The following TMPRSS15 variants were observed in gnomAD, a reference collection of about 807,000 sequenced individuals.
TMPRSS15 encodes the protein enteropeptidase.
TMPRSS15 carries 128 observed loss-of-function variants against 125.3 expected under a neutral mutation model. The ratio of observed to expected loss-of-function variants is 1.02; its 90% CI spans 0.89 to 1.18. TMPRSS15 has a LOEUF of 1.18. Among genes scored for constraint, TMPRSS15 ranks in the 50% most tolerant of loss-of-function variants. The pLI, the probability that TMPRSS15 is intolerant of heterozygous loss-of-function variation, is 0.00. For synonymous variants in TMPRSS15, 446 were observed against 423.2 expected (o/e 1.05, Z -0.66); for missense variants, 1,283 against 1,212.7 (o/e 1.06, Z -0.86).
chr21:18,283,739 T>C (rs2074730561), intron 21 of TMPRSS15, among the ~76,000 whole-genome samples: 1 of 152,142 alleles, frequency 6.6e-6, no homozygotes. Flanking sequence ...GAGAGGTGCA[T>C]GCAGTTTATT....
chr21:18,389,220 AGGAG>A (rs1327701442), intron 3 of TMPRSS15, among the ~76,000 whole-genome samples: 1 of 151,572 alleles, frequency 6.6e-6, no homozygotes, highest in Non-Finnish European at 1.5e-5. Context: ...AAAAAAAGAA[AGGAG>A]GGAGGGAGGC....
chr21:18,310,933 C>CT (rs71329779), intron 18 of TMPRSS15, among the ~76,000 whole-genome samples: 7,193 of 136,438 alleles, frequency 0.053, 276 homozygotes, highest in African/African-American at 0.097. Flanking sequence ...CCCACTGATT[C>CT]TTTTTTTTTT....
chr21:18,330,999 GGAGGCGGAGCTTGCAGTGAGCCGAGATC>G (rs1331481595), intron 14 of TMPRSS15, among the ~76,000 whole-genome samples: 1 of 150,570 alleles, frequency 6.6e-6, no homozygotes, highest in Non-Finnish European at 1.5e-5. Context: ...CGTGAACCCG[GGAGGCGGAGCTTGCAGTGAGCCGAGATC>G]GCACCACTGC....
chr21:18,281,478 C>A (rs937507869), intron 21 of TMPRSS15, among the ~76,000 whole-genome samples: 8 of 152,138 alleles, frequency 5.3e-5, no homozygotes, highest in African/African-American at 1.9e-4. Context: ...TTGTGGTTCT[C>A]AACTGTGGTT....
chr21:18,363,536 A>T (rs2075697210), intron 7 of TMPRSS15, among the ~76,000 whole-genome samples: 2 of 145,854 alleles, frequency 1.4e-5, no homozygotes, highest in Non-Finnish European at 1.5e-5. Context: ...CATAAAAAAT[A>T]GTTGTGTACC....
chr21:18,401,221 A>T (rs372302905), intron 1 of TMPRSS15, among the ~76,000 whole-genome samples: 1 of 152,150 alleles, frequency 6.6e-6, no homozygotes, highest in East Asian at 1.9e-4. Context: ...CAGCAATCCC[A>T]TTACTGGGTA....
intron 1 of TMPRSS15, among the ~76,000 whole-genome samples, chr21:18,445,076 T>C (rs59548022): frequency 0.42 from 63,223 of 151,940 alleles, 13,887 homozygotes; most frequent in East Asian, 0.8. Flanking sequence ...TCACTTAACA[T>C]AATGTCTTCT....
rs552068844 is a variant in TMPRSS15 at position 18,294,340 on chromosome 21, C to T, written c.2416G>A (p.Gly806Ser). Residue 806 changes from glycine to serine, a missense_variant, in exon 21 of 25, where the codon GGC becomes AGC. Gly to Ser is a moderately conservative substitution (Grantham distance 56). Transcript: ENST00000284885. Reference sequence around the variant, plus strand: ...AGAGATGCGCCGCAGAGCAGTCGGCCGCCATAATACAGACCCACAACCCAG... The same window carrying T: ...AGAGATGCGCCGCAGAGCAGTCGGCTGCCATAATACAGACCCACAACCCAG... The part of the protein sequence containing the change: ...WPWVVGLYYG[G>S]RLLCGASLVS... 32 of 1,614,222 alleles carry T rather than the reference C, an allele frequency of 2.0e-5. No homozygotes were observed. The highest frequency in any genetic ancestry group is 1.9e-4 in the South Asian group (17 of 91,088).
At chr21:18,368,207 G>T (rs927594158) in intron 6 of TMPRSS15, among the ~76,000 whole-genome samples, 3 of 152,240 alleles carry the variant, frequency 2.0e-5, no homozygotes, top group East Asian at 3.9e-4. Flanking sequence ...TGTTCACTAC[G>T]CATTTTTTTG....
chr21:18,350,872 G>T (rs1335354833), intron 10 of TMPRSS15, among the ~76,000 whole-genome samples: 3 of 151,808 alleles, frequency 2.0e-5, no homozygotes, highest in Non-Finnish European at 4.4e-5. Flanking sequence ...CTTGAATAAG[G>T]CCTGGAGCTC....
intron 22 of TMPRSS15, among the ~76,000 whole-genome samples, chr21:18,279,385 G>A (rs1301604723): frequency 7.3e-6 from 1 of 136,540 alleles, no homozygotes; most frequent in Non-Finnish European, 1.5e-5. Context: ...GAGTGCAGTG[G>A]TGCGATCTCA....
chr21:18,366,542 A>G (rs949448150), intron 6 of TMPRSS15, among the ~76,000 whole-genome samples: 2 of 152,174 alleles, frequency 1.3e-5, no homozygotes, highest in Non-Finnish European at 2.9e-5. Context: ...TCTTGAAGGC[A>G]TGAACCAGGA....
chr21:18,297,865 A>G, intron 18 of TMPRSS15, 36 bp from the exon 19 acceptor site: 1 of 1,487,056 alleles, frequency 6.7e-7, no homozygotes, highest in African/African-American at 1.4e-5. Context: ...AGACAAAACA[A>G]AAGCATAAAG....
chr21:18,354,828 TATAAAAAATACC>T (rs1237926134), intron 8 of TMPRSS15, among the ~76,000 whole-genome samples: 7 of 151,968 alleles, frequency 4.6e-5, no homozygotes, highest in South Asian at 2.1e-4. Flanking sequence ...GATTCAGGCC[TATAAAAAATACC>T]ATACTTGCAG....
At chr21:18,367,180 A>T (rs570120493) in intron 6 of TMPRSS15, among the ~76,000 whole-genome samples, 2 of 152,268 alleles carry the variant, frequency 1.3e-5, no homozygotes, top group Non-Finnish European at 2.9e-5. Context: ...AAAATAAGAA[A>T]AGAAAAGATA....
intron 12 of TMPRSS15, among the ~76,000 whole-genome samples, chr21:18,342,953 T>C (rs2146987925): frequency 6.6e-6 from 1 of 152,294 alleles, no homozygotes; most frequent in Middle Eastern, 3.4e-3. Flanking sequence ...GCAAAGACCC[T>C]CAGGAAGAGA....
chr21:18,377,781 GCTCCA>G (rs1394718481), intron 5 of TMPRSS15, among the ~76,000 whole-genome samples: 1 of 152,062 alleles, frequency 6.6e-6, no homozygotes, highest in Non-Finnish European at 1.5e-5. Context: ...GAAGATTTCT[GCTCCA>G]CTCATCAGGA....
intron 1 of TMPRSS15, among the ~76,000 whole-genome samples, chr21:18,469,603 C>T (rs1431173416): frequency 6.6e-6 from 1 of 151,984 alleles, no homozygotes; most frequent in African/African-American, 2.4e-5. Context: ...ATTGTTCAAA[C>T]TTTGATTTAA....
chr21:18,467,653 C>A (rs1367852224), intron 1 of TMPRSS15, among the ~76,000 whole-genome samples: 1 of 151,860 alleles, frequency 6.6e-6, no homozygotes, highest in Non-Finnish European at 1.5e-5. Flanking sequence ...AAGTAGAATT[C>A]CTAAATCTAA....
Sources: gnomAD v4.1 joint callset for allele counts (sites outside exome capture counted in the v4.1 genomes callset) on GRCh38, gnomAD v4.1.1 for gene constraint, MANE v1.5 for transcripts, NCBI Gene and HGNC (gene_info 2026-07-23, HGNC 2026-07-21) for gene names.